The following ZNF799 variants were observed in gnomAD, a reference collection of about 807,000 sequenced individuals.
ZNF799 encodes the protein zinc finger protein 14.
ZNF799 carries 28 observed loss-of-function variants against 41.0 expected under a neutral mutation model. That is an observed-to-expected ratio of 0.68 (90% confidence interval 0.51 to 0.94). The LOEUF (loss-of-function observed/expected upper bound fraction) is 0.94. Ranked by LOEUF, ZNF799 falls within the 40% of genes least tolerant of loss-of-function variation. The pLI is 0.00. For synonymous variants in ZNF799, 213 were observed against 252.9 expected, an observed-to-expected ratio of 0.84 and a Z score of 1.50; for missense variants, 716 against 764.3, an observed-to-expected ratio of 0.94 and a Z score of 0.74.
chr19:12,401,826 G>A (rs1207087909), upstream of ZNF799, among the ~76,000 whole-genome samples: 3 of 151,908 alleles, frequency 2.0e-5, no homozygotes, highest in African/African-American at 7.3e-5. Context: ...CGCCCACCTT[G>A]GCCTCCCAAA....
chr19:12,401,035 C>T (rs1363801409), intron 1 of ZNF799, 33 bp downstream of exon 1: 2 of 1,613,994 alleles, frequency 1.2e-6, no homozygotes, highest in South Asian at 1.1e-5. Flanking sequence ...CCAGCCCCTC[C>T]CCCGCCTCGG....
chr19:12,405,951 G>A (rs990875806), upstream of ZNF799, among the ~76,000 whole-genome samples: 2 of 151,986 alleles, frequency 1.3e-5, no homozygotes, highest in Admixed American at 1.3e-4. Flanking sequence ...GAGGGGGGCA[G>A]ATCACAAGGT....
chr19:12,415,068 C>T, the ZNF799 span, among the ~76,000 whole-genome samples: 8 of 152,288 alleles, frequency 5.3e-5, no homozygotes, highest in Non-Finnish European at 8.8e-5. Context: ...TGAGGCCAGG[C>T]GCAGTGGCTC....
the ZNF799 span, among the ~76,000 whole-genome samples, chr19:12,413,608 C>T: frequency 1.2e-4 from 18 of 152,346 alleles, no homozygotes; most frequent in South Asian, 3.7e-3. Flanking sequence ...TAAACACACA[C>T]ATGCGTACAC....
upstream of ZNF799, among the ~76,000 whole-genome samples, chr19:12,404,899 G>T (rs935290915): frequency 3.9e-5 from 6 of 152,170 alleles, 1 homozygote; most frequent in Non-Finnish European, 7.3e-5. Flanking sequence ...TTGATCCTGG[G>T]TGCCTCTGTG....
Position 12,391,434 on chromosome 19 carries a change from C to T in ZNF799, c.964G>A (p.Gly322Arg). Residue 322 changes from glycine to arginine, a missense_variant, in exon 4 of 4, where the codon GGA (glycine) becomes AGA (arginine). Transcript: ENST00000430385. ...QQCGKAFHHLGSFQRHMVMHT... is the reference protein window; with the variant it reads ...QQCGKAFHHLRSFQRHMVMHT... ...ATTACCATGTGTCTTTGAAAGCTTCCCAGATGATGAAACGCTTTCCCACAT... is the reference window on the plus strand; with the variant it reads ...ATTACCATGTGTCTTTGAAAGCTTCTCAGATGATGAAACGCTTTCCCACAT... 2 of 1,613,856 alleles carry T rather than the reference C, an allele frequency of 1.2e-6. No individual in the cohort carries two copies. Among genetic ancestry groups the T allele is most frequent in the Non-Finnish European group, 1.7e-6 (2 of 1,179,936 alleles).
At position 12,391,125 on chromosome 19, in the gene ZNF799, G is replaced by T; in HGVS notation, c.1273C>A (p.Gln425Lys). The part of the protein sequence containing the change: ...HTAEKPYKCK[Q>K]CGKAYRISSS... ...GAAATACGGTAGGCTTTGCCACATT[G>T]TTTACATTTATAGGGTTTCTCTGCA... Residue 425 changes from glutamine (Q) to lysine (K), a missense_variant, in exon 4 of 4, where the codon CAA (glutamine) becomes AAA (lysine). Gln to Lys is a moderately conservative substitution (Grantham distance 53, BLOSUM62 1). Coordinates refer to ENST00000430385, the MANE Select transcript of ZNF799 (RefSeq NM_001080821.3). 1 of 1,614,134 alleles carries T rather than the reference G, an allele frequency of 6.2e-7. No individual in the cohort carries two copies. The highest frequency in any genetic ancestry group is 8.5e-7 in the Non-Finnish European group (1 of 1,180,014).
At chr19:12,406,892 T>C in the ZNF799 span, among the ~76,000 whole-genome samples, 1 of 151,132 alleles carries the variant, frequency 6.6e-6, no homozygotes, top group Non-Finnish European at 1.5e-5. Flanking sequence ...AAAGCGAGAC[T>C]TCTTCTCAAA....
chr19:12,391,426 A>G lies in ZNF799; in HGVS notation c.972T>C (p.Phe324=), dbSNP rs1304271379. The G allele has an allele frequency of 7.4e-6, 12 of 1,614,022 alleles. No homozygotes were observed. The African/African-American group carries it at 8.0e-5, about 11-fold the overall frequency. The change falls in exon 4 of 4, where the codon TTT becomes TTC. Residue 324 remains phenylalanine (F), a synonymous_variant. Coordinates refer to ENST00000430385, the MANE Select transcript of ZNF799 (RefSeq NM_001080821.3). The part of the protein sequence containing the change: ...CGKAFHHLGS[F]QRHMVMHTRD... Reference sequence around the variant, plus strand: ...TCGTGTGCATTACCATGTGTCTTTGAAAGCTTCCCAGATGATGAAACGCTT... The same window carrying G: ...TCGTGTGCATTACCATGTGTCTTTGGAAGCTTCCCAGATGATGAAACGCTT...
the ZNF799 span, among the ~76,000 whole-genome samples, chr19:12,414,138 C>T: frequency 2.0e-5 from 3 of 151,926 alleles, no homozygotes; most frequent in Non-Finnish European, 4.4e-5. Flanking sequence ...AGCCTCCTCG[C>T]GGCAGCTCCC....
chr19:12,395,974 A>G (rs1969889352), intron 1 of ZNF799, among the ~76,000 whole-genome samples: 1 of 152,258 alleles, frequency 6.6e-6, no homozygotes, highest in South Asian at 2.1e-4. Flanking sequence ...TTTCTACAAC[A>G]AATAAGGAAT....
upstream of ZNF799, among the ~76,000 whole-genome samples, chr19:12,406,054 A>T (rs551659073): frequency 1.5e-3 from 228 of 150,068 alleles, 4 homozygotes; most frequent in South Asian, 0.046. Flanking sequence ...GCGCCTGTAT[A>T]CCCAGCTACT....
the ZNF799 span, among the ~76,000 whole-genome samples, chr19:12,411,979 A>G: frequency 2.0e-5 from 3 of 152,110 alleles, no homozygotes; most frequent in Admixed American, 2.0e-4. Flanking sequence ...TCTCAGATAC[A>G]CTTTCTTGTT....
intron 1 of ZNF799, among the ~76,000 whole-genome samples, chr19:12,397,733 G>A (rs1969918759): frequency 1.3e-5 from 2 of 151,736 alleles, no homozygotes; most frequent in Middle Eastern, 3.4e-3. Context: ...AATTATATAT[G>A]TACATATGAA....
intron 1 of ZNF799, 138 bp downstream of exon 1, chr19:12,400,930 G>T (rs1402837462): frequency 2.0e-6 from 3 of 1,523,588 alleles, no homozygotes; most frequent in Admixed American, 3.4e-5. Flanking sequence ...TGCGGCCGAG[G>T]GCCGACCTAC....
chr19:12,390,744 T>C lies in ZNF799; in HGVS notation c.1654A>G (p.Arg552Gly). The change falls in exon 4 of 4, where the codon AGA (arginine) becomes GGA (glycine). Residue 552 changes from arginine (R) to glycine (G), a missense_variant. Around this residue, in one of 2 missense-constraint regions of ZNF799, gnomAD observed 698 missense variants for 713.6 expected, o/e 0.98. Coordinates refer to ENST00000430385, the MANE Select transcript of ZNF799 (RefSeq NM_001080821.3). ...SWLTCFLRHE[R>G]IHMREKPYEC... ...TAGGGTTTCTCTCTCATGTGAATTCTTTCATGTCGTAGAAAGCAAGTGAGC... is the reference window on the plus strand; with the variant it reads ...TAGGGTTTCTCTCTCATGTGAATTCCTTCATGTCGTAGAAAGCAAGTGAGC... 6.2e-7 allele frequency: 1 copy of C among 1,614,084 alleles called. No homozygotes were observed. Among genetic ancestry groups the C allele is most frequent in the African/African-American group, 1.3e-5 (1 of 75,054 alleles).
upstream of ZNF799, among the ~76,000 whole-genome samples, chr19:12,404,618 G>A (rs989129188): frequency 2.0e-5 from 3 of 152,044 alleles, no homozygotes; most frequent in African/African-American, 7.2e-5. Flanking sequence ...ACAGCAGCCC[G>A]AGATCCCAGT....
At chr19:12,401,951 T>G (rs1969996723), upstream of ZNF799, among the ~76,000 whole-genome samples, 1 of 152,254 alleles carries the variant, frequency 6.6e-6, no homozygotes. Flanking sequence ...ATAGTCACTC[T>G]GTTGTGCTAG....
chr19:12,399,322 T>A (rs1472389845), intron 1 of ZNF799, among the ~76,000 whole-genome samples: 1 of 152,134 alleles, frequency 6.6e-6, no homozygotes, highest in South Asian at 2.1e-4. Flanking sequence ...AGTCCTTAGA[T>A]ATAACTTTCT....
Sources: allele counts gnomAD v4.1 joint callset (sites outside exome capture counted in the v4.1 genomes callset), GRCh38; gene constraint gnomAD v4.1.1; regional missense constraint gnomAD v4.1.1; transcripts MANE v1.5; gene names NCBI Gene and HGNC (gene_info 2026-07-23, HGNC 2026-07-21).